STMN1: variants seen among roughly 807,000 people sequenced by gnomAD.
The protein encoded by STMN1 is stathmin 1.
In STMN1, 3 loss-of-function variants were observed where a neutral mutation model predicts 19.7. That is an observed-to-expected ratio of 0.15 (90% confidence interval 0.07 to 0.39). The LOEUF is 0.39. STMN1 is among the 10% of genes least tolerant of loss of function. The probability of loss-of-function intolerance (pLI) is 1.00; values close to 1 mark genes in which losing one functional copy is unlikely to be tolerated. For missense variants in STMN1, 99 were observed against 176.0 expected (o/e 0.56, Z 2.48); for synonymous variants, 59 against 58.9 (o/e 1.00, Z -0.01).
intron 4 of STMN1, 43 bp from the exon 5 acceptor site, chr1:25,901,130 A>AG: frequency 6.3e-7 from 1 of 1,578,666 alleles, no homozygotes; most frequent in East Asian, 2.2e-5. Context: ...AAAAAAAAAA[A>AG]AAAAAAAAAG....
intron 3 of STMN1, 166 bp downstream of exon 3, chr1:25,903,471 GGGCA>G: frequency 1.2e-6 from 1 of 807,918 alleles, no homozygotes; most frequent in Non-Finnish European, 1.9e-6. Context: ...ACAAAGGAGC[GGGCA>G]TGTAACAGGA....
At chr1:25,906,511 G>A (rs868001735), upstream of STMN1, 8 of 153,110 alleles carry the variant, frequency 5.2e-5, no homozygotes, top group Middle Eastern at 4.8e-3. This position sits in a 1 kb window ranked among gnomAD's most constrained non-coding sequence, Gnocchi z 4.5. Flanking sequence ...GCGGCGGCAC[G>A]TGCCGCCCCC....
intron 4 of STMN1, among the ~76,000 whole-genome samples, chr1:25,891,384 G>A (rs373501290): frequency 6.6e-5 from 10 of 151,918 alleles, no homozygotes; most frequent in South Asian, 4.2e-4. Flanking sequence ...TACAATGCAC[G>A]GCAAATTGTT....
chr1:25,890,746 C>T (rs2048766799), intron 4 of STMN1, among the ~76,000 whole-genome samples: 1 of 152,158 alleles, frequency 6.6e-6, no homozygotes, highest in South Asian at 2.1e-4. Flanking sequence ...ACGGGACACA[C>T]CCAGCAGCCC....
At chr1:25,889,826 C>T (rs1332301272) in intron 4 of STMN1, among the ~76,000 whole-genome samples, 2 of 152,306 alleles carry the variant, frequency 1.3e-5, no homozygotes, top group East Asian at 3.9e-4. Flanking sequence ...TGTATGGGGT[C>T]CCCTTGCCCA....
chr1:25,894,661 CAAAG>C (rs2048803686), intron 4 of STMN1, among the ~76,000 whole-genome samples: 1 of 152,264 alleles, frequency 6.6e-6, no homozygotes, highest in East Asian at 1.9e-4. Flanking sequence ...GCCTGGGTGA[CAAAG>C]AGAGAGACCC....
exon 5 of STMN1, chr1:25,885,832 G>C: frequency 6.4e-7 from 1 of 1,551,558 alleles, no homozygotes; most frequent in Non-Finnish European, 8.7e-7. Flanking sequence ...AGAGATCTGT[G>C]CTGGGTGGGC....
In STMN1 at chr1:25,900,736, C is replaced by G. The variant is rs921857723; in HGVS notation, c.*280G>C. ...TTCACAGAGCCAATACAGTACTAGCCATTAACCCAGTACACCAAGTGTACT... is the reference window on the plus strand; with the variant it reads ...TTCACAGAGCCAATACAGTACTAGCGATTAACCCAGTACACCAAGTGTACT... On this transcript the variant is annotated 3_prime_UTR_variant, in exon 5 of 5. Transcript: ENST00000455785. 61 of 1,237,826 alleles carry G rather than the reference C, an allele frequency of 4.9e-5. No homozygotes were observed. The highest frequency in any genetic ancestry group is 6.2e-5 in the Non-Finnish European group (61 of 987,282). The allele number at this position is 1,237,826 out of a possible 1,614,324, so 76.7% of individuals were successfully genotyped here.
At chr1:25,904,900 A>C in intron 1 of STMN1, 162 bp from the exon 2 acceptor site, 1 of 464,160 alleles carries the variant, frequency 2.2e-6, no homozygotes, top group Non-Finnish European at 3.8e-6. Flanking sequence ...CTACTAAATA[A>C]ACATTGGGAA....
chr1:25,900,939 AAAT>A lies in STMN1; in HGVS notation c.*74_*76del, dbSNP rs2048864853. ...TCTAAAATATTTGTCAGGAGGGAAA[AAAT>A]AAAATGACACTGGCCAGTACAGTCT... On this transcript the variant is annotated 3_prime_UTR_variant, in exon 5 of 5. Coordinates refer to ENST00000455785, the MANE Select transcript of STMN1 (RefSeq NM_005563.4). 3.1e-6 allele frequency: 5 copies of A among 1,605,382 alleles called. No homozygotes were observed. Among genetic ancestry groups the A allele is most frequent in the African/African-American group, 2.7e-5 (2 of 74,188 alleles).
intron 1 of STMN1, 38 bp from the exon 2 acceptor site, chr1:25,904,776 T>C (rs530958375): frequency 6.4e-7 from 1 of 1,552,676 alleles, no homozygotes; most frequent in Admixed American, 2.0e-5. Flanking sequence ...TCACTTTCTT[T>C]GCCTTTCTAT....
exon 5 of STMN1, chr1:25,885,668 T>A (rs1034896350): frequency 1.6e-5 from 24 of 1,493,286 alleles, no homozygotes; most frequent in Non-Finnish European, 2.1e-5. Context: ...TTGGCCAGAC[T>A]GTTCATCAGT....
At chr1:25,901,295 G>A (rs2048871129) in intron 4 of STMN1, 196 bp downstream of exon 4, 3 of 1,099,344 alleles carry the variant, frequency 2.7e-6, no homozygotes, top group Non-Finnish European at 3.8e-6. Context: ...CTGCCTACTG[G>A]ACTTCCAAGG....
intron 4 of STMN1, chr1:25,888,928 T>A: frequency 2.5e-6 from 1 of 397,668 alleles, no homozygotes; most frequent in Non-Finnish European, 5.0e-6. Context: ...CCTCTCTCCC[T>A]TTCTCTGCCA....
At chr1:25,885,748 C>G in exon 5 of STMN1, 6 of 1,551,248 alleles carry the variant, frequency 3.9e-6, no homozygotes, top group Non-Finnish European at 4.4e-6. Context: ...GAGATCAGAC[C>G]AGGTAATCAA....
intron 3 of STMN1, chr1:25,902,782 A>C (rs1170236386): frequency 6.6e-6 from 1 of 152,272 alleles, no homozygotes; most frequent in Non-Finnish European, 1.5e-5. Flanking sequence ...ATTGCATAGA[A>C]GACGACTCCT....
chr1:25,888,544 C>A (rs569633640), intron 4 of STMN1, among the ~76,000 whole-genome samples: 1 of 152,168 alleles, frequency 6.6e-6, no homozygotes, highest in Non-Finnish European at 1.5e-5. Context: ...TAACCTCATC[C>A]TCCTTCCCTA....
At chr1:25,885,807 A>G in exon 5 of STMN1, 1 of 1,551,750 alleles carries the variant, frequency 6.4e-7, no homozygotes, top group African/African-American at 1.4e-5. Flanking sequence ...CAGAGTGGAG[A>G]CAAGATTGCT....
chr1:25,886,474 G>C (rs1399283963), intron 4 of STMN1, among the ~76,000 whole-genome samples: 1 of 151,972 alleles, frequency 6.6e-6, no homozygotes, highest in Non-Finnish European at 1.5e-5. Context: ...TCCTTAGTGG[G>C]AGACGAGTGC....
Sources: allele counts gnomAD v4.1 joint callset (sites outside exome capture counted in the v4.1 genomes callset), GRCh38; gene constraint gnomAD v4.1.1; non-coding constraint Gnocchi (gnomAD v3.1); transcripts MANE v1.5; gene names NCBI Gene and HGNC (gene_info 2026-07-23, HGNC 2026-07-21).